Variants in FHAD1 observed in about 807,000 individuals in gnomAD.
The protein encoded by FHAD1 is forkhead associated phosphopeptide binding domain 1.
FHAD1 carries 146 observed loss-of-function variants against 191.3 expected under a neutral mutation model. The ratio of observed to expected loss-of-function variants is 0.76; its 90% CI spans 0.67 to 0.88. FHAD1 has a LOEUF of 0.88. Ranked by LOEUF, FHAD1 falls within the 40% of genes least tolerant of loss-of-function variation. The probability of loss-of-function intolerance (pLI) is 0.00; values close to 1 mark genes in which losing one functional copy is unlikely to be tolerated. For synonymous variants in FHAD1, 616 were observed against 672.3 expected, an observed-to-expected ratio of 0.92 and a Z score of 1.29; for missense variants, 1,635 against 1,785.8, an observed-to-expected ratio of 0.92 and a Z score of 1.52.
chr1:15,397,320 A>G lies in FHAD1; in HGVS notation c.4347A>G (p.Leu1449=). Residue 1449 remains leucine, a synonymous_variant, in exon 34 of 34, where the codon CTA becomes CTG. Transcript: ENST00000688493. ...NSQVGTRKAS[L]KMDQEREMLR... Reference sequence around the variant, plus strand: ...AGGTTGGAACCAGAAAAGCCTCCCTAAAGATGGACCAAGAAAGAGAGATGC... The same window carrying G: ...AGGTTGGAACCAGAAAAGCCTCCCTGAAGATGGACCAAGAAAGAGAGATGC... 4 of 1,539,490 alleles carry G rather than the reference A, an allele frequency of 2.6e-6. No individual in the cohort carries two copies. The highest frequency in any genetic ancestry group is 3.5e-6 in the Non-Finnish European group (4 of 1,139,090).
chr1:15,388,965 C>T (rs184420121), intron 32 of FHAD1, among the ~76,000 whole-genome samples: 169 of 152,254 alleles, frequency 1.1e-3, no homozygotes, highest in Admixed American at 2.7e-3. Context: ...CAGATCTGTA[C>T]GGGGCTGGGC....
At chr1:15,270,562 T>G (rs964575761) in intron 2 of FHAD1, among the ~76,000 whole-genome samples, 1 of 152,236 alleles carries the variant, frequency 6.6e-6, no homozygotes, top group Non-Finnish European at 1.5e-5. Context: ...ATTGTTACTC[T>G]AGTATACATA....
intron 3 of FHAD1, among the ~76,000 whole-genome samples, chr1:15,282,530 T>C (rs1235390095): frequency 2.0e-5 from 3 of 152,238 alleles, no homozygotes; most frequent in African/African-American, 7.2e-5. Context: ...TGTTTACCTT[T>C]GTGAGTAAGA....
At chr1:15,238,779 G>A (rs925223070) in intron 1 of FHAD1, among the ~76,000 whole-genome samples, 4 of 152,210 alleles carry the variant, frequency 2.6e-5, no homozygotes, top group African/African-American at 7.2e-5. Context: ...GTCTGGTTAA[G>A]GCTCTGGGCC....
chr1:15,255,812 A>G (rs906373010), intron 2 of FHAD1, among the ~76,000 whole-genome samples: 58 of 152,244 alleles, frequency 3.8e-4, no homozygotes, highest in African/African-American at 1.4e-3. Flanking sequence ...AAAGAAAACC[A>G]GTGTGTAGAG....
At chr1:15,349,538 C>T (rs1690093722) in intron 19 of FHAD1, among the ~76,000 whole-genome samples, 1 of 152,220 alleles carries the variant, frequency 6.6e-6, no homozygotes. Flanking sequence ...ATCATCCTCA[C>T]AGTAGAGCGG....
In FHAD1 at chr1:15,318,842, A is replaced by C. The variant is rs902911993; in HGVS notation, c.1365+914A>C. 2.0e-5 allele frequency among the ~76,000 whole-genome samples: 3 copies of C among 152,198 alleles called. No homozygotes were observed. In the East Asian group the frequency reaches 5.8e-4, roughly 29 times the overall value. On this transcript the variant is annotated intron_variant, in intron 10 of 33. Transcript: ENST00000688493. The surrounding 1 kb of genome is among the most constrained non-coding windows in gnomAD (Gnocchi z 4.1). ...AACATAACCAATTGAAGAGTTGTATAAAAGATGCTTATGGATCACACATTT... is the reference window on the plus strand; with the variant it reads ...AACATAACCAATTGAAGAGTTGTATCAAAGATGCTTATGGATCACACATTT...
chr1:15,357,577 A>T (rs768185481), intron 20 of FHAD1, among the ~76,000 whole-genome samples: 1 of 147,770 alleles, frequency 6.8e-6, no homozygotes, highest in Non-Finnish European at 1.5e-5. Flanking sequence ...GAGCTGAGAT[A>T]GCACCGTTGC....
rs753166966 is a variant in FHAD1 at position 15,328,306 on chromosome 1, G to T, written c.1587G>T (p.Glu529Asp). 15 of 1,533,280 alleles carry T rather than the reference G, an allele frequency of 9.8e-6. No individual in the cohort carries two copies. Among genetic ancestry groups the T allele is most frequent in the African/African-American group, 1.4e-5 (1 of 69,686 alleles). The allele number at this position is 1,533,280 out of a possible 1,614,324, so 95.0% of individuals were successfully genotyped here. A position where few individuals can be genotyped will look rare whatever the true frequency, so the allele number is the denominator to read the frequency against. Reference sequence around the variant, plus strand: ...TAGAGAAAATTACCCAGGTCACTGAGGACAACATCAATTTTCAGCAGAAAA... The same window carrying T: ...TAGAGAAAATTACCCAGGTCACTGATGACAACATCAATTTTCAGCAGAAAA... ...QLIEKITQVT[E>D]DNINFQQKKW... The change falls in exon 13 of 34, where the codon GAG becomes GAT. Residue 529 changes from glutamate (E) to aspartate (D), a missense_variant. Physicochemically the swap from Glu to Asp is conservative, Grantham distance 45 (BLOSUM62 2). Coordinates refer to ENST00000688493, the MANE Select transcript of FHAD1 (RefSeq NM_001391957.1).
At chr1:15,339,454 C>T (rs1685641172) in intron 14 of FHAD1, 27 bp from the exon 15 acceptor site, 2 of 1,129,714 alleles carry the variant, frequency 1.8e-6, no homozygotes, top group Non-Finnish European at 2.4e-6. Context: ...TTGATACTTA[C>T]ATTCTTCCTG....
At position 15,375,721 on chromosome 1, in the gene FHAD1, G is replaced by A; in HGVS notation, c.3696G>A (p.Glu1232=). The A allele has an allele frequency of 6.5e-7, 1 of 1,535,126 alleles. No homozygotes were observed. The highest frequency in any genetic ancestry group is 1.4e-5 in the African/African-American group (1 of 71,948). Residue 1232 remains glutamate, a synonymous_variant, in exon 28 of 34, where the codon GAG becomes GAA. Transcript: ENST00000688493. ...ATTTGCCAACTCTCTCAAGAATAGA[G>A]ATCCTAGCGGTAACCAAAGAAAATT... The part of the protein sequence containing the change: ...KPDLPTLSRI[E]ILAPQNGLCN...
At chr1:15,347,350 C>T (rs1489826575) in intron 18 of FHAD1, among the ~76,000 whole-genome samples, 1 of 152,226 alleles carries the variant, frequency 6.6e-6, no homozygotes, top group Admixed American at 6.5e-5. Flanking sequence ...GTGGTTGGGT[C>T]ACCCCGCGTC....
intron 14 of FHAD1, among the ~76,000 whole-genome samples, chr1:15,332,580 A>C (rs758488974): frequency 1.3e-5 from 2 of 152,142 alleles, no homozygotes; most frequent in African/African-American, 2.4e-5. Flanking sequence ...TTAGCCAGGC[A>C]TGGTGGCACA....
chr1:15,359,664 A>G (rs1014490995), intron 21 of FHAD1, among the ~76,000 whole-genome samples: 15 of 152,126 alleles, frequency 9.9e-5, no homozygotes, highest in Admixed American at 1.3e-4. Context: ...CCTGGCCAAC[A>G]TGGCAAAACC....
intron 15 of FHAD1, among the ~76,000 whole-genome samples, chr1:15,340,425 T>C (rs1247887234): frequency 6.6e-6 from 1 of 152,174 alleles, no homozygotes; most frequent in East Asian, 1.9e-4. Context: ...TGGCCTTTGG[T>C]TGATCTAGAC....
At chr1:15,270,921 C>T (rs945200335) in intron 2 of FHAD1, among the ~76,000 whole-genome samples, 1 of 151,818 alleles carries the variant, frequency 6.6e-6, no homozygotes, top group Non-Finnish European at 1.5e-5. Context: ...GGGTGGACCA[C>T]GAGGTCAGGA....
chr1:15,322,983 A>G (rs1676852667), intron 10 of FHAD1, among the ~76,000 whole-genome samples: 1 of 152,100 alleles, frequency 6.6e-6, no homozygotes, highest in Admixed American at 6.6e-5. Context: ...GTGGCAAGGG[A>G]AAAATAAGGA....
chr1:15,236,737 G>A (rs1219716893), exon 1 of FHAD1, among the ~76,000 whole-genome samples: 1 of 152,178 alleles, frequency 6.6e-6, no homozygotes, highest in Non-Finnish European at 1.5e-5. Flanking sequence ...GACATCACTT[G>A]AGCCCTGCAG....
chr1:15,395,333 A>G (rs1705575427), intron 33 of FHAD1, among the ~76,000 whole-genome samples: 2 of 147,680 alleles, frequency 1.4e-5, no homozygotes, highest in African/African-American at 5.0e-5. Flanking sequence ...AAGCTACGGG[A>G]GAGAACTAGG....
Sources: allele counts gnomAD v4.1 joint callset (sites outside exome capture counted in the v4.1 genomes callset), GRCh38; gene constraint gnomAD v4.1.1; non-coding constraint Gnocchi (gnomAD v3.1); transcripts MANE v1.5; gene names NCBI Gene and HGNC (gene_info 2026-07-23, HGNC 2026-07-21).